C11orf52: variants seen among roughly 807,000 people sequenced by gnomAD.
The protein encoded by C11orf52 is chromosome 11 open reading frame 52, also known as uncharacterized protein C11orf52.
A neutral mutation model predicts 11.7 loss-of-function variants in C11orf52; 9 were observed. That is an observed-to-expected ratio of 0.77 (90% CI 0.46 to 1.34). The LOEUF is 1.34. Ranked by LOEUF, C11orf52 falls within the 40% of genes most tolerant of loss-of-function variation. C11orf52 has a pLI of 0.00. For synonymous variants in C11orf52, 49 were observed against 57.4 expected (o/e 0.85, Z 0.66); for missense variants, 139 against 154.8 (o/e 0.90, Z 0.54).
intron 1 of C11orf52, among the ~76,000 whole-genome samples, chr11:111,921,367 A>G (rs1173007649): frequency 6.6e-6 from 1 of 152,226 alleles, no homozygotes; most frequent in African/African-American, 2.4e-5. Context: ...ACATTTGGTA[A>G]CTGTCTAAAT....
rs949876679 is a variant in C11orf52 at position 111,925,888 on chromosome 11, C to T, written c.133-72C>T. The T allele has an allele frequency of 2.5e-6, 4 of 1,600,000 alleles. No homozygotes were observed. In the African/African-American group the frequency reaches 5.4e-5, roughly 21 times the overall value. ...AGCAAAGCGAAGGGACATCAGTTGA[C>T]CTGCCCCTGCATTGGAGGTGAGGGG... On this transcript the variant is annotated intron_variant, in intron 3 of 3. Coordinates refer to ENST00000278601, the MANE Select transcript of C11orf52 (RefSeq NM_080659.3).
chr11:111,925,615 A>C (rs782626626), intron 2 of C11orf52, 38 bp from the exon 3 acceptor site: 2 of 1,600,192 alleles, frequency 1.2e-6, no homozygotes, highest in Non-Finnish European at 1.7e-6. Context: ...AGAGACAGGG[A>C]AGAGAGAATA....
intron 1 of C11orf52, 43 bp downstream of exon 1, chr11:111,919,047 G>T: frequency 6.2e-7 from 1 of 1,612,156 alleles, no homozygotes; most frequent in African/African-American, 1.3e-5. Flanking sequence ...TATCTCTGTT[G>T]GTGGATGTAG....
At chr11:111,924,424 C>G (rs7124433) in intron 2 of C11orf52, 61 bp downstream of exon 2, 520,552 of 1,391,900 alleles carry the variant, frequency 0.37, 106,665 homozygotes, top group African/African-American at 0.78. Context: ...CAATAGAACT[C>G]CAATCTTTGG....
chr11:111,920,678 C>T (rs1429302902), intron 1 of C11orf52, among the ~76,000 whole-genome samples: 2 of 152,264 alleles, frequency 1.3e-5, no homozygotes, highest in Admixed American at 1.3e-4. Context: ...GCAGGAGGAT[C>T]ACCTGAGCCC....
Position 111,926,361 on chromosome 11 carries a change from C to T in C11orf52, c.*162C>T, listed in dbSNP as rs1965810371. On this transcript the variant is annotated 3_prime_UTR_variant, in exon 4 of 4. Coordinates refer to ENST00000278601, the MANE Select transcript of C11orf52 (RefSeq NM_080659.3). ...GTGGGCGTCCCATTTTCTCCCCTGG[C>T]CTCTTACTTGCCACTGTTAGGTTGG... 2 of 1,074,952 alleles carry T rather than the reference C, an allele frequency of 1.9e-6. No homozygotes were observed. The highest frequency in any genetic ancestry group is 2.7e-5 in the Admixed American group (1 of 36,628). The allele number at this position is 1,074,952 out of a possible 1,614,324, so 66.6% of individuals were successfully genotyped here.
At position 111,918,997 on chromosome 11, in the gene C11orf52, G is replaced by A. The variant is rs1965642785; in HGVS notation, c.25G>A (p.Gly9Arg). The A allele has an allele frequency of 1.2e-6, 2 of 1,614,088 alleles. No homozygotes were observed. Among genetic ancestry groups the A allele is most frequent in the Non-Finnish European group, 1.7e-6 (2 of 1,180,044 alleles). Residue 9 changes from glycine (G) to arginine (R), a missense_variant, in exon 1 of 4, where the codon GGA becomes AGA. Physicochemically the swap from Gly to Arg is moderately radical, Grantham distance 125. Transcript: ENST00000278601. ...CATGGGAAACCGGGTCTGCTGCGGA[G>A]GAAGCTGGTGAGTAGGCTGGAAGGG... MGNRVCCG[G>R]SWSCPSTFQK... is the part of the protein sequence containing the mutation.
chr11:111,919,065 G>A lies in C11orf52; in HGVS notation c.32+61G>A, dbSNP rs1965644744. ...CTCTGTTGGTGGATGTAGAGGCCCC[G>A]AAAATCAGAGGACCTGGAGATAGTT... On this transcript the variant is annotated intron_variant, in intron 1 of 3. Transcript: ENST00000278601. 6 of 1,584,498 alleles carry A rather than the reference G, an allele frequency of 3.8e-6. No homozygotes were observed. In the South Asian group the frequency reaches 4.5e-5, roughly 12 times the overall value.
At chr11:111,924,726 C>A (rs1965758654) in intron 2 of C11orf52, among the ~76,000 whole-genome samples, 1 of 152,168 alleles carries the variant, frequency 6.6e-6, no homozygotes, top group Admixed American at 6.5e-5. Flanking sequence ...GAGATAAATT[C>A]ATATAAACAA....
chr11:111,920,733 C>T (rs1965683096), intron 1 of C11orf52, among the ~76,000 whole-genome samples: 1 of 152,018 alleles, frequency 6.6e-6, no homozygotes, highest in Non-Finnish European at 1.5e-5. Context: ...CACTGCACTC[C>T]AGTGTGGGTG....
intron 1 of C11orf52, 98 bp from the exon 2 acceptor site, chr11:111,924,228 C>T (rs1220983512): frequency 1.3e-5 from 15 of 1,149,280 alleles, no homozygotes; most frequent in Non-Finnish European, 1.8e-5. Flanking sequence ...GTAGGGGAAG[C>T]TCATCAGAAT....
chr11:111,925,071 T>C (rs1375873510), intron 2 of C11orf52, among the ~76,000 whole-genome samples: 1 of 151,798 alleles, frequency 6.6e-6, no homozygotes, highest in Non-Finnish European at 1.5e-5. Flanking sequence ...TTGCAGTGAG[T>C]CGAGATCGCG....
chr11:111,922,737 T>C (rs587639855), intron 1 of C11orf52, among the ~76,000 whole-genome samples: 3 of 152,360 alleles, frequency 2.0e-5, no homozygotes, highest in South Asian at 4.1e-4. Flanking sequence ...TTTTTTGCAA[T>C]TTAAATAATG....
At chr11:111,921,113 G>A (rs1004813728) in intron 1 of C11orf52, among the ~76,000 whole-genome samples, 8 of 152,240 alleles carry the variant, frequency 5.3e-5, no homozygotes, top group African/African-American at 1.9e-4. Flanking sequence ...TCTGGAAGAT[G>A]TCATGTTATA....
chr11:111,923,642 G>A (rs1266702531), intron 1 of C11orf52: 1 of 152,202 alleles, frequency 6.6e-6, no homozygotes, highest in Non-Finnish European at 1.5e-5. Flanking sequence ...GACCCCAGGG[G>A]CTCAGAAATA....
At chr11:111,919,037 T>C in intron 1 of C11orf52, 33 bp downstream of exon 1, 1 of 1,613,186 alleles carries the variant, frequency 6.2e-7, no homozygotes, top group East Asian at 2.2e-5. Context: ...GGGGAACATC[T>C]ATCTCTGTTG....
At position 111,923,294 on chromosome 11, in the gene C11orf52, G is replaced by A. The variant is rs587682033; in HGVS notation, c.33-1032G>A. Among the ~76,000 whole-genome samples, 4 of 152,316 alleles carry A rather than the reference G, an allele frequency of 2.6e-5. No homozygotes were observed. In the South Asian group the frequency reaches 8.3e-4, roughly 32 times the overall value. Reference sequence around the variant, plus strand: ...TGGAGACTCAACTGCTGTCAACTGAGCAAGCTGTAGCAAAACCAAAAATCA... The same window carrying A: ...TGGAGACTCAACTGCTGTCAACTGAACAAGCTGTAGCAAAACCAAAAATCA... On this transcript the variant is annotated intron_variant, in intron 1 of 3. Transcript: ENST00000278601.
chr11:111,920,415 G>T (rs1965672820), intron 1 of C11orf52, among the ~76,000 whole-genome samples: 2 of 151,976 alleles, frequency 1.3e-5, no homozygotes, highest in Admixed American at 1.3e-4. Context: ...GCACACGCCT[G>T]TAATCTGAGC....
Position 111,925,668 on chromosome 11 carries a change from G to C in C11orf52, c.86G>C (p.Arg29Pro), listed in dbSNP as rs782794657. Residue 29 changes from arginine to proline, a missense_variant, in exon 3 of 4, where the codon CGG (arginine) becomes CCG (proline). Physicochemically the swap from Arg to Pro is moderately radical, Grantham distance 103. Transcript: ENST00000278601. ...KKKKTGSQTR[R>P]TLKPQPQQLQ... is the part of the protein sequence containing the mutation. Reference sequence around the variant, plus strand: ...TTCCCCTCAGGAAGCCAAACAAGACGGACACTGAAGCCGCAGCCACAACAG... The same window carrying C: ...TTCCCCTCAGGAAGCCAAACAAGACCGACACTGAAGCCGCAGCCACAACAG... The C allele has an allele frequency of 1.4e-5, 23 of 1,614,198 alleles. No homozygotes were observed. The highest frequency in any genetic ancestry group is 3.3e-4 in the Middle Eastern group (2 of 6,062).
Sources: gnomAD v4.1 joint callset for allele counts (sites outside exome capture counted in the v4.1 genomes callset) on GRCh38, gnomAD v4.1.1 for gene constraint, MANE v1.5 for transcripts, NCBI Gene and HGNC (gene_info 2026-07-23, HGNC 2026-07-21) for gene names.